SLCO1A2: variants seen among roughly 807,000 people sequenced by gnomAD.
SLCO1A2 encodes the protein solute carrier organic anion transporter family member 1A2.
SLCO1A2 carries 67 observed loss-of-function variants against 69.0 expected under a neutral mutation model. The observed-to-expected ratio is 0.97, with a 90% CI of 0.80 to 1.19. The LOEUF (loss-of-function observed/expected upper bound fraction) is 1.19. Among genes scored for constraint, SLCO1A2 ranks in the 50% most tolerant of loss-of-function variants. The pLI, the probability that SLCO1A2 is intolerant of heterozygous loss-of-function variation, is 0.00. For synonymous variants in SLCO1A2, 260 were observed against 265.9 expected, an observed-to-expected ratio of 0.98 and a Z score of 0.22; for missense variants, 787 against 793.7, an observed-to-expected ratio of 0.99 and a Z score of 0.10.
chr12:21,339,090 T>TC (rs1213514729), upstream of SLCO1A2, among the ~76,000 whole-genome samples: 3 of 151,994 alleles, frequency 2.0e-5, no homozygotes, highest in Admixed American at 2.0e-4. Flanking sequence ...TACATAAGAC[T>TC]CCTTGCAGGG....
intron 2 of SLCO1A2, among the ~76,000 whole-genome samples, chr12:21,348,501 T>C (rs964267031): frequency 3.3e-5 from 5 of 152,208 alleles, no homozygotes; most frequent in South Asian, 2.1e-4. Context: ...TATGTGATGT[T>C]TGCCATTCTG....
intron 6 of SLCO1A2, among the ~76,000 whole-genome samples, chr12:21,301,562 G>A (rs1460062195): frequency 6.6e-6 from 1 of 152,166 alleles, no homozygotes; most frequent in Non-Finnish European, 1.5e-5. Flanking sequence ...CTGGGATCAT[G>A]CCATTGACTA....
chr12:21,361,145 C>T lies in SLCO1A2; in HGVS notation c.-63+13254G>A, dbSNP rs369621596. On this transcript the variant is annotated intron_variant, in intron 2 of 15. Transcript: ENST00000307378. ...CTGGGAGGCACCTCCCAGTAGGGGC[C>T]GACAGACACCTCATACGGGGGATGC... 7.8e-4 allele frequency among the ~76,000 whole-genome samples: 113 copies of T among 144,982 alleles called. 2 individuals are homozygous for T. In the South Asian group the frequency reaches 0.025, roughly 32 times the overall value.
At chr12:21,335,855 C>T (rs1379315674), upstream of SLCO1A2, among the ~76,000 whole-genome samples, 7 of 152,142 alleles carry the variant, frequency 4.6e-5, no homozygotes, top group African/African-American at 1.7e-4. Flanking sequence ...GTGCTACGCA[C>T]CAGCATTCAG....
At chr12:21,289,184 C>CTGTGTGTGTGTGTGTGTGTGTG (rs10636619) in intron 12 of SLCO1A2, among the ~76,000 whole-genome samples, 3 of 136,916 alleles carry the variant, frequency 2.2e-5, no homozygotes, top group South Asian at 2.5e-4. Context: ...TGGTACCATT[C>CTGTGTGTGTGTGTGTGTGTGTG]TGTGTGTGTG....
chr12:21,302,641 C>A (rs1212031162), intron 6 of SLCO1A2, among the ~76,000 whole-genome samples: 1 of 151,526 alleles, frequency 6.6e-6, no homozygotes, highest in African/African-American at 2.4e-5. Context: ...TTCAAGTGAT[C>A]CACCTCCCGG....
At chr12:21,271,677 C>T (rs953968965) in intron 14 of SLCO1A2, among the ~76,000 whole-genome samples, 1 of 119,288 alleles carries the variant, frequency 8.4e-6, no homozygotes, top group African/African-American at 2.7e-5. Flanking sequence ...ACATATATAC[C>T]TATGTGTATA....
chr12:21,348,518 G>A (rs1330918966), intron 2 of SLCO1A2, among the ~76,000 whole-genome samples: 2 of 152,058 alleles, frequency 1.3e-5, no homozygotes, highest in African/African-American at 2.4e-5. Flanking sequence ...TCTGTGACAG[G>A]CTTATTTCAC....
chr12:21,349,993 G>A (rs1386607567), intron 2 of SLCO1A2, among the ~76,000 whole-genome samples: 3 of 152,110 alleles, frequency 2.0e-5, no homozygotes, highest in African/African-American at 7.2e-5. Context: ...TCAGTGACTG[G>A]AACAGAGGAG....
At chr12:21,272,900 A>T (rs893166421) in intron 14 of SLCO1A2, among the ~76,000 whole-genome samples, 2 of 152,208 alleles carry the variant, frequency 1.3e-5, no homozygotes, top group African/African-American at 4.8e-5. Flanking sequence ...AAAGGTAATC[A>T]GAAGTTTGTT....
intron 2 of SLCO1A2, among the ~76,000 whole-genome samples, chr12:21,368,465 G>A (rs955728797): frequency 1.5e-5 from 2 of 134,548 alleles, no homozygotes; most frequent in African/African-American, 5.8e-5. Context: ...CAACAAACCA[G>A]TTAAATTTTT....
intron 2 of SLCO1A2, among the ~76,000 whole-genome samples, chr12:21,346,204 C>T (rs1007581642): frequency 6.6e-6 from 1 of 151,966 alleles, no homozygotes; most frequent in Admixed American, 6.6e-5. Context: ...TTAAGAGAAG[C>T]CATATACAAA....
intron 14 of SLCO1A2, among the ~76,000 whole-genome samples, chr12:21,270,420 T>C (rs1226287673): frequency 6.6e-6 from 1 of 151,714 alleles, no homozygotes; most frequent in East Asian, 1.9e-4. Flanking sequence ...ATGTAGAATT[T>C]TTGCATGTAT....
chr12:21,398,226 T>C (rs1417275634), upstream of SLCO1A2, among the ~76,000 whole-genome samples: 1 of 150,982 alleles, frequency 6.6e-6, no homozygotes, highest in Non-Finnish European at 1.5e-5. Context: ...CAAACTACCA[T>C]CAGAGAATAC....
At chr12:21,287,890 T>G (rs1255554370) in intron 12 of SLCO1A2, among the ~76,000 whole-genome samples, 5 of 112,940 alleles carry the variant, frequency 4.4e-5, no homozygotes, top group South Asian at 3.6e-4. Context: ...AGGGATAGCA[T>G]TGGGAGATAT....
intron 2 of SLCO1A2, among the ~76,000 whole-genome samples, chr12:21,351,192 T>C (rs1937921889): frequency 6.6e-6 from 1 of 152,040 alleles, no homozygotes; most frequent in African/African-American, 2.4e-5. Flanking sequence ...AGATAAGAAA[T>C]ATAGACAAAT....
chr12:21,356,532 GA>G (rs772493754), intron 2 of SLCO1A2, among the ~76,000 whole-genome samples: 1 of 128,794 alleles, frequency 7.8e-6, no homozygotes, highest in Non-Finnish European at 1.7e-5. Flanking sequence ...AGAAAAAAAT[GA>G]GTCATGATCA....
chr12:21,321,187 A>G (rs972814930), intron 2 of SLCO1A2, among the ~76,000 whole-genome samples: 10 of 152,018 alleles, frequency 6.6e-5, no homozygotes, highest in African/African-American at 4.8e-5. Context: ...TCCCTCCCCC[A>G]TGCATACCTA....
chr12:21,331,430 T>A (rs1265583911), intron 2 of SLCO1A2, among the ~76,000 whole-genome samples: 1 of 152,204 alleles, frequency 6.6e-6, no homozygotes, highest in Non-Finnish European at 1.5e-5. Flanking sequence ...TTCAGAGGTC[T>A]GGCTGCTCAT....
Sources: allele counts gnomAD v4.1 joint callset (sites outside exome capture counted in the v4.1 genomes callset), GRCh38; gene constraint gnomAD v4.1.1; transcripts MANE v1.5; gene names NCBI Gene and HGNC (gene_info 2026-07-23, HGNC 2026-07-21).